The following NBEA variants were observed in gnomAD, a reference collection of about 807,000 sequenced individuals.
The protein encoded by NBEA is neurobeachin, also known as lysosomal-trafficking regulator 2.
In NBEA, 44 loss-of-function variants were observed where a neutral mutation model predicts 343.4. That is an observed-to-expected ratio of 0.13 (90% CI 0.10 to 0.16). NBEA has a LOEUF of 0.16. Ranked by LOEUF, NBEA falls within the 10% of genes least tolerant of loss-of-function variation. The pLI is 1.00. For synonymous variants in NBEA, 1,175 were observed against 1,238.7 expected (o/e 0.95, Z 1.08); for missense variants, 2,555 against 3,631.3 (o/e 0.70, Z 7.62).
At chr13:35,195,811 T>C (rs2152741787) in intron 30 of NBEA, 53 bp from the exon 31 acceptor site, 1 of 1,425,810 alleles carries the variant, frequency 7.0e-7, no homozygotes, top group Non-Finnish European at 9.4e-7. Flanking sequence ...TGATTAATAA[T>C]ACAAGATTTT....
In NBEA at chr13:35,646,294, G is replaced by A. The variant is rs183203594; in HGVS notation, c.7716G>A (p.Thr2572=). 3.6e-5 allele frequency: 58 copies of A among 1,613,678 alleles called. No homozygotes were observed. In the African/African-American group the frequency reaches 6.4e-4, roughly 18 times the overall value. The change falls in exon 51 of 59, where the codon ACG becomes ACA. Residue 2572 remains threonine, a synonymous_variant. Coordinates refer to ENST00000379939, the MANE Select transcript of NBEA (RefSeq NM_001385012.1). Reference sequence around the variant, plus strand: ...CACAGATACAGAACTTTGGACAGACGCCATCTCAGTTGCTTATTGAGCCAC... The same window carrying A: ...CACAGATACAGAACTTTGGACAGACACCATCTCAGTTGCTTATTGAGCCAC... The part of the protein sequence containing the change: ...MEAQIQNFGQ[T]PSQLLIEPHP...
chr13:35,130,441 A>G (rs1198233553), intron 17 of NBEA, among the ~76,000 whole-genome samples: 1 of 152,056 alleles, frequency 6.6e-6, no homozygotes, highest in Non-Finnish European at 1.5e-5. Context: ...TGCATTATTT[A>G]AATATATAAA....
chr13:35,411,964 T>G (rs187095745), intron 38 of NBEA, among the ~76,000 whole-genome samples: 2 of 152,162 alleles, frequency 1.3e-5, no homozygotes, highest in East Asian at 3.9e-4. Flanking sequence ...TACTTGTTCT[T>G]AGTTCAGTTG....
At chr13:35,215,851 T>C (rs9600338) in intron 33 of NBEA, among the ~76,000 whole-genome samples, 15,456 of 151,578 alleles carry the variant, frequency 0.1, 824 homozygotes, top group South Asian at 0.12. Context: ...ATTATAGATT[T>C]AGTTTTTTTA....
At chr13:35,442,047 C>T (rs544633383) in intron 39 of NBEA, among the ~76,000 whole-genome samples, 5 of 152,204 alleles carry the variant, frequency 3.3e-5, no homozygotes, top group African/African-American at 1.2e-4. Flanking sequence ...TCCCTGCCTC[C>T]CTCCTTTCCT....
At chr13:35,619,837 A>G (rs1409180114) in intron 48 of NBEA, among the ~76,000 whole-genome samples, 1 of 152,208 alleles carries the variant, frequency 6.6e-6, no homozygotes, top group Non-Finnish European at 1.5e-5. Context: ...GGACTTGTTC[A>G]TTCCATAAGT....
At chr13:34,999,680 G>C (rs963359620) in intron 1 of NBEA, among the ~76,000 whole-genome samples, 1 of 151,810 alleles carries the variant, frequency 6.6e-6, no homozygotes, top group African/African-American at 2.4e-5. Context: ...TTTTGACTCA[G>C]CCTTATGGGT....
chr13:34,942,710 G>A lies in NBEA; in HGVS notation c.-111G>A. The A allele has an allele frequency of 1.2e-6, 1 of 841,960 alleles. No homozygotes were observed. Among genetic ancestry groups the A allele is most frequent in the Non-Finnish European group, 1.6e-6 (1 of 633,862 alleles). The allele number at this position is 841,960 out of a possible 1,614,324, so 52.2% of individuals were successfully genotyped here. ...GAGCGGGCCCGGCGCCGCGGCGCTG[G>A]TGGATGCTGGGGCTCCGAGGCGACG... On this transcript the variant is annotated 5_prime_UTR_variant, in exon 1 of 59. The change creates a new upstream start codon in the 5' untranslated region. Coordinates refer to ENST00000379939, the MANE Select transcript of NBEA (RefSeq NM_001385012.1).
intron 49 of NBEA, among the ~76,000 whole-genome samples, chr13:35,633,547 TGG>T (rs1417043570): frequency 6.6e-6 from 1 of 151,468 alleles, no homozygotes; most frequent in African/African-American, 2.4e-5. Flanking sequence ...GCAACAAAAA[TGG>T]ATAGAAAGAT....
intron 34 of NBEA, among the ~76,000 whole-genome samples, chr13:35,233,735 A>G (rs1458536792): frequency 1.3e-5 from 2 of 152,146 alleles, no homozygotes; most frequent in Non-Finnish European, 2.9e-5. Context: ...CAGATGGAGC[A>G]TATATTCTAA....
intron 34 of NBEA, among the ~76,000 whole-genome samples, chr13:35,248,042 A>T (rs182665581): frequency 6.6e-6 from 1 of 152,186 alleles, no homozygotes; most frequent in Non-Finnish European, 1.5e-5. Context: ...GAACCACACA[A>T]CCTACCCAGA....
chr13:35,156,125 C>T lies in NBEA; in HGVS notation c.2570C>T (p.Pro857Leu). The T allele has an allele frequency of 6.3e-7, 1 of 1,588,396 alleles. No individual in the cohort carries two copies. The highest frequency in any genetic ancestry group is 8.5e-7 in the Non-Finnish European group (1 of 1,169,884). The change falls in exon 20 of 59, where the codon CCA becomes CTA. Residue 857 changes from proline to leucine, a missense_variant. This residue lies in a region of NBEA where 360 missense variants were observed against 519.1 expected (regional missense o/e 0.69). Transcript: ENST00000379939. ...GCAACTTTGTTAAAAAACTCTACAC[C>T]AAGTGCAGAGCTGATGGAAGTTCGT... ...VVATLLKNSTPSAELMEVRRL... is the reference protein window; with the variant it reads ...VVATLLKNSTLSAELMEVRRL...
chr13:35,580,806 T>C (rs143894896), intron 45 of NBEA, among the ~76,000 whole-genome samples: 78 of 152,338 alleles, frequency 5.1e-4, no homozygotes, highest in African/African-American at 1.7e-3. Flanking sequence ...AATGGAGGCA[T>C]ATACAGACTT....
chr13:35,658,208 C>A (rs1375701339), intron 55 of NBEA, among the ~76,000 whole-genome samples: 1 of 152,136 alleles, frequency 6.6e-6, no homozygotes, highest in Non-Finnish European at 1.5e-5. Context: ...ACAAGATTAT[C>A]TTAAAGATAT....
At chr13:35,414,504 G>C (rs562671679) in intron 38 of NBEA, among the ~76,000 whole-genome samples, 9 of 152,206 alleles carry the variant, frequency 5.9e-5, no homozygotes, top group Admixed American at 1.3e-4. Flanking sequence ...CCTTGCGATA[G>C]TTTGCTCAGA....
chr13:35,164,372 G>T lies in NBEA; in HGVS notation c.4096G>T (p.Val1366Leu). 6.3e-7 allele frequency: 1 copy of T among 1,582,448 alleles called. No individual in the cohort carries two copies. Among genetic ancestry groups the T allele is most frequent in the South Asian group, 1.1e-5 (1 of 87,176 alleles). ...HVWRSHSTKSVMDFVNSNENI... is the reference protein window; with the variant it reads ...HVWRSHSTKSLMDFVNSNENI... ...GTATTTTAGCCATTCTACAAAGTCT[G>T]TAATGGATTTTGTCAATAGCAATGA... Residue 1366 changes from valine (V) to leucine (L), a missense_variant, in exon 24 of 59, where the codon GTA becomes TTA. This residue lies in a region of NBEA where 69 missense variants were observed against 128.8 expected (regional missense o/e 0.54). Coordinates refer to ENST00000379939, the MANE Select transcript of NBEA (RefSeq NM_001385012.1).
chr13:35,431,335 A>G (rs2152930334), intron 38 of NBEA, among the ~76,000 whole-genome samples: 1 of 152,218 alleles, frequency 6.6e-6, no homozygotes, highest in Non-Finnish European at 1.5e-5. Context: ...GGAAAATTAG[A>G]ATATTATCTT....
At chr13:35,502,247 G>A (rs547052958) in intron 41 of NBEA, among the ~76,000 whole-genome samples, 19 of 152,136 alleles carry the variant, frequency 1.2e-4, no homozygotes, top group African/African-American at 4.6e-4. Context: ...AAAAATTTTT[G>A]TTTATTTTCT....
intron 24 of NBEA, among the ~76,000 whole-genome samples, chr13:35,167,740 A>G (rs1403140450): frequency 6.6e-6 from 1 of 151,808 alleles, no homozygotes; most frequent in African/African-American, 2.4e-5. Flanking sequence ...GTGACTAGTT[A>G]ATTGAATCCT....
Sources: allele counts gnomAD v4.1 joint callset (sites outside exome capture counted in the v4.1 genomes callset), GRCh38; gene constraint gnomAD v4.1.1; regional missense constraint gnomAD v4.1.1; transcripts MANE v1.5; gene names NCBI Gene and HGNC (gene_info 2026-07-23, HGNC 2026-07-21).